FIBCD1: variants seen among roughly 807,000 people sequenced by gnomAD.
FIBCD1 encodes the protein fibrinogen C domain-containing protein 1.
A neutral mutation model predicts 45.1 loss-of-function variants in FIBCD1; 47 were observed. That is an observed-to-expected ratio of 1.04 (90% CI 0.82 to 1.33). The LOEUF (loss-of-function observed/expected upper bound fraction) is 1.33, where lower values mean the gene tolerates loss of function less well. Among genes scored for constraint, FIBCD1 ranks in the 40% most tolerant of loss-of-function variants. The pLI is 0.00. For missense variants in FIBCD1, 653 were observed against 682.2 expected (o/e 0.96, Z 0.48); for synonymous variants, 313 against 308.1 (o/e 1.02, Z -0.17).
At position 130,911,871 on chromosome 9, in the gene FIBCD1, C is replaced by T. The variant is rs999078279; in HGVS notation, c.867G>A (p.Glu289=). The change falls in exon 5 of 7, where the codon GAG becomes GAA. Residue 289 remains glutamate, a synonymous_variant. Coordinates refer to ENST00000372338, the MANE Select transcript of FIBCD1 (RefSeq NM_032843.5). ...GGGWTVFQRR[E]DGSVNFFRGW... ...CCCGGAAGAAGTTCACGGAGCCGTC[C>T]TCCCGGCGCTGAAACACCTGCAAAG... The T allele has an allele frequency of 1.9e-6, 3 of 1,586,202 alleles. No individual in the cohort carries two copies. Among genetic ancestry groups the T allele is most frequent in the African/African-American group, 1.4e-5 (1 of 73,896 alleles).
intron 4 of FIBCD1, among the ~76,000 whole-genome samples, chr9:130,918,537 C>T (rs931520381): frequency 6.6e-6 from 1 of 152,230 alleles, no homozygotes; most frequent in South Asian, 2.1e-4. Context: ...TGGCCTCTCC[C>T]AGCCTCCCGG....
chr9:130,908,697 G>C (rs144235732), intron 5 of FIBCD1, among the ~76,000 whole-genome samples: 5 of 152,330 alleles, frequency 3.3e-5, no homozygotes, highest in African/African-American at 1.2e-4. Context: ...CTTTGGGGAC[G>C]ATGCATGGGA....
In FIBCD1 at chr9:130,938,521, A is replaced by G. The variant is rs1289360844; in HGVS notation, c.72+15T>C. ...GCCAGCCGCCCAGGCCCCGTGTCCC[A>G]GCGCCCGAGCGTACCTGCGGCTTGT... On this transcript the variant is annotated intron_variant, in intron 1 of 6. Coordinates refer to ENST00000372338, the MANE Select transcript of FIBCD1 (RefSeq NM_032843.5). The G allele has an allele frequency of 6.7e-7, 1 of 1,484,718 alleles. No homozygotes were observed. Among genetic ancestry groups the G allele is most frequent in the Admixed American group, 2.3e-5 (1 of 44,424 alleles). The allele number at this position is 1,484,718 out of a possible 1,614,324, so 92.0% of individuals were successfully genotyped here.
chr9:130,905,494 G>C, intron 5 of FIBCD1, 81 bp from the exon 6 acceptor site: 1 of 1,421,822 alleles, frequency 7.0e-7, no homozygotes. Context: ...AATGACAGCT[G>C]AGCTCATGCA....
At chr9:130,932,772 G>C (rs1832461529) in intron 1 of FIBCD1, among the ~76,000 whole-genome samples, 1 of 152,144 alleles carries the variant, frequency 6.6e-6, no homozygotes, top group African/African-American at 2.4e-5. Flanking sequence ...TCTGTGCCAG[G>C]GCCGCTAACT....
intron 5 of FIBCD1, among the ~76,000 whole-genome samples, chr9:130,910,857 G>T (rs1478441275): frequency 2.6e-5 from 4 of 152,120 alleles, no homozygotes; most frequent in Admixed American, 2.6e-4. Context: ...TCAACACACT[G>T]TATCTAGCTG....
At chr9:130,912,494 G>A (rs1335694591) in intron 4 of FIBCD1, among the ~76,000 whole-genome samples, 10 of 151,924 alleles carry the variant, frequency 6.6e-5, no homozygotes, top group Admixed American at 4.6e-4. Flanking sequence ...ATCACCTGAG[G>A]TCAGGAGTTC....
intron 6 of FIBCD1, 46 bp from the exon 7 acceptor site, chr9:130,904,369 A>G (rs11244186): frequency 0.2 from 317,992 of 1,555,710 alleles, 36,194 homozygotes; most frequent in Admixed American, 0.41. Context: ...GCACGGGTAC[A>G]CCCACTGGTG....
In FIBCD1 at chr9:130,904,427, G is replaced by C. The variant is rs549358315; in HGVS notation, c.1127-104C>G. 3,116 of 1,475,420 alleles carry C rather than the reference G, an allele frequency of 2.1e-3. 12 individuals are homozygous for C. The highest frequency in any genetic ancestry group is 4.3e-3 in the South Asian group (333 of 77,592). The allele number at this position is 1,475,420 out of a possible 1,614,324, so 91.4% of individuals were successfully genotyped here. A position where few individuals can be genotyped will look rare whatever the true frequency, so the allele number is the denominator to read the frequency against. ...AGACACTGCACGTGCACCTGGACGT[G>C]AGTGCATACACGTACGCACGTGCTC... On this transcript the variant is annotated intron_variant, in intron 6 of 6. Transcript: ENST00000372338.
chr9:130,910,419 T>A (rs1832015647), intron 5 of FIBCD1, among the ~76,000 whole-genome samples: 1 of 152,152 alleles, frequency 6.6e-6, no homozygotes, highest in Admixed American at 6.5e-5. Flanking sequence ...CTCCGTGGGC[T>A]CCTGTGCGGC....
At chr9:130,906,758 C>G (rs1204658296) in intron 5 of FIBCD1, among the ~76,000 whole-genome samples, 1 of 152,216 alleles carries the variant, frequency 6.6e-6, no homozygotes, top group Non-Finnish European at 1.5e-5. Flanking sequence ...ACGGCACTCG[C>G]AAGGGCCCAG....
At chr9:130,930,434 A>AGGGGGAGACG (rs1564340937) in intron 1 of FIBCD1, among the ~76,000 whole-genome samples, 1 of 63,024 alleles carries the variant, frequency 1.6e-5, no homozygotes, top group Non-Finnish European at 5.2e-5. Context: ...ACGGGGAGAC[A>AGGGGGAGACG]TGGGGAGATG....
rs1330750607 is a variant in FIBCD1, at chr9:130,911,959, C to T, written c.850-71G>A. ...GGACTCGCAGCCCACCTGGGCCCACCCCGCCCAGAGACTCCCCTCACCCTG... is the reference window on the plus strand; with the variant it reads ...GGACTCGCAGCCCACCTGGGCCCACTCCGCCCAGAGACTCCCCTCACCCTG... On this transcript the variant is annotated intron_variant, in intron 4 of 6. Transcript: ENST00000372338. The T allele has an allele frequency of 2.1e-6, 3 of 1,414,400 alleles. No individual in the cohort carries two copies. In the East Asian group the frequency reaches 7.5e-5, roughly 35 times the overall value. 87.6% of individuals were successfully genotyped at this position (1,414,400 alleles called of 1,614,324 possible).
intron 1 of FIBCD1, among the ~76,000 whole-genome samples, chr9:130,931,190 G>A (rs921077641): frequency 6.6e-6 from 1 of 152,150 alleles, no homozygotes. Flanking sequence ...ACAGGTGGCT[G>A]TCACTCCAGA....
intron 1 of FIBCD1, among the ~76,000 whole-genome samples, chr9:130,935,806 G>T (rs1320281431): frequency 2.0e-5 from 3 of 152,158 alleles, no homozygotes; most frequent in African/African-American, 2.4e-5. Context: ...TGTCAAATGG[G>T]TTCATCACTC....
Position 130,911,355 on chromosome 9 carries a change from A to C in FIBCD1, c.946+437T>G, listed in dbSNP as rs78656127. 1.5e-3 allele frequency among the ~76,000 whole-genome samples: 225 copies of C among 152,294 alleles called. 3 individuals are homozygous for C. In the East Asian group the frequency reaches 0.034, roughly 23 times the overall value. ...GACCAAGAACCCACCAATTCTGGAC[A>C]CACTCAGCACCACTGGCCACTCTTG... On this transcript the variant is annotated intron_variant, in intron 5 of 6. Coordinates refer to ENST00000372338, the MANE Select transcript of FIBCD1 (RefSeq NM_032843.5).
intron 4 of FIBCD1, among the ~76,000 whole-genome samples, chr9:130,916,176 A>C (rs1056538430): frequency 6.6e-6 from 1 of 152,010 alleles, no homozygotes; most frequent in Non-Finnish European, 1.5e-5. Context: ...TGATCCACCC[A>C]CCTTGGCCTC....
chr9:130,910,158 C>A (rs1197068728), intron 5 of FIBCD1, among the ~76,000 whole-genome samples: 1 of 152,218 alleles, frequency 6.6e-6, no homozygotes, highest in Non-Finnish European at 1.5e-5. Context: ...GCGTGCGGCG[C>A]TTGCGGGCCA....
intron 4 of FIBCD1, among the ~76,000 whole-genome samples, chr9:130,912,948 A>C (rs551180608): frequency 6.6e-6 from 1 of 152,126 alleles, no homozygotes; most frequent in Non-Finnish European, 1.5e-5. Context: ...CCCCTTCCCC[A>C]AAACAAGCCT....
Sources: allele counts gnomAD v4.1 joint callset (sites outside exome capture counted in the v4.1 genomes callset), GRCh38; gene constraint gnomAD v4.1.1; transcripts MANE v1.5; gene names NCBI Gene and HGNC (gene_info 2026-07-23, HGNC 2026-07-21).